The following LRRC4B variants were observed in gnomAD, a reference collection of about 807,000 sequenced individuals.
LRRC4B encodes the protein leucine-rich repeat-containing protein 4B.
In LRRC4B, 1 loss-of-function variant was observed where a neutral mutation model predicts 7.3. The ratio of observed to expected loss-of-function variants is 0.14; its 90% CI spans 0.05 to 0.65. LRRC4B has a LOEUF of 0.65. LRRC4B is among the 30% of genes least tolerant of loss of function. The pLI is 0.84. For synonymous variants in LRRC4B, 500 were observed against 499.2 expected, an observed-to-expected ratio of 1.00 and a Z score of -0.02; for missense variants, 730 against 1,041.6, an observed-to-expected ratio of 0.70 and a Z score of 4.12.
chr19:50,519,026 C>T lies in LRRC4B; in HGVS notation c.687G>A (p.Val229=). 6.2e-7 allele frequency: 1 copy of T among 1,611,528 alleles called. No homozygotes were observed. Among genetic ancestry groups the T allele is most frequent in the South Asian group, 1.1e-5 (1 of 91,054 alleles). The change falls in exon 3 of 3, where the codon GTG becomes GTA. Residue 229 remains valine, a synonymous_variant. Coordinates refer to ENST00000652263, the MANE Select transcript of LRRC4B (RefSeq NM_001080457.2). This position sits in a 1 kb window ranked among gnomAD's most constrained non-coding sequence, Gnocchi z 8.1. ...CCGACAGCTCCAGCTCCTCCAGGCG[C>T]ACCAGGGCCGTCAGGTTGGGGATGT... The part of the protein sequence containing the change: ...LKDIPNLTAL[V]RLEELELSGN...
chr19:50,565,490 G>T (rs1436799622), intron 1 of LRRC4B, among the ~76,000 whole-genome samples: 2 of 151,704 alleles, frequency 1.3e-5, no homozygotes, highest in African/African-American at 4.9e-5. Context: ...GTTCCATATC[G>T]GGGTCTCTGG....
At chr19:50,552,683 T>TTCATCCATCCGC (rs1555809091) in intron 1 of LRRC4B, among the ~76,000 whole-genome samples, 1 of 121,354 alleles carries the variant, frequency 8.2e-6, no homozygotes, top group African/African-American at 3.6e-5. Context: ...CATCCATCCA[T>TTCATCCATCCGC]CCATCCGTCC....
chr19:50,559,357 C>T lies in LRRC4B; in HGVS notation c.-36+8587G>A, dbSNP rs190511711. ...GCTGAGAAAGGGGAATTACTTGAAC[C>T]GAGGAGGCAGAGGTTGCAGTGAGCT... On this transcript the variant is annotated intron_variant, in intron 1 of 2. Transcript: ENST00000652263. 2.8e-4 allele frequency among the ~76,000 whole-genome samples: 42 copies of T among 152,184 alleles called. No homozygotes were observed. In the South Asian group the frequency reaches 5.8e-3, roughly 21 times the overall value.
intron 1 of LRRC4B, among the ~76,000 whole-genome samples, chr19:50,564,921 G>C (rs536803256): frequency 1.3e-5 from 2 of 151,740 alleles, no homozygotes; most frequent in Non-Finnish European, 2.9e-5. Flanking sequence ...CCTGAAGATC[G>C]GCCTCTCTGC....
intron 1 of LRRC4B, among the ~76,000 whole-genome samples, chr19:50,557,194 G>T (rs558266643): frequency 2.0e-5 from 3 of 152,194 alleles, no homozygotes; most frequent in Non-Finnish European, 4.4e-5. Flanking sequence ...CGGTGTAGGA[G>T]GTGAGGGAGA....
chr19:50,536,380 G>A (rs1205407519), intron 2 of LRRC4B, among the ~76,000 whole-genome samples: 5 of 152,118 alleles, frequency 3.3e-5, no homozygotes, highest in Non-Finnish European at 5.9e-5. Flanking sequence ...GTGAGCACCC[G>A]CCTCAGCCTC....
Position 50,563,733 on chromosome 19 carries a change from C to T in LRRC4B, c.-36+4211G>A, listed in dbSNP as rs1414080431. On this transcript the variant is annotated intron_variant, in intron 1 of 2. Coordinates refer to ENST00000652263, the MANE Select transcript of LRRC4B (RefSeq NM_001080457.2). This position sits in a 1 kb window ranked among gnomAD's most constrained non-coding sequence, Gnocchi z 4.9. ...CCATCAGCCAGCTGAGAAGGACAGG[C>T]TGCAACATGGTGCCTTCACGCAACG... Among the ~76,000 whole-genome samples the T allele has an allele frequency of 1.3e-5, 2 of 152,222 alleles. No homozygotes were observed. The highest frequency in any genetic ancestry group is 4.8e-5 in the African/African-American group (2 of 41,444).
intron 2 of LRRC4B, among the ~76,000 whole-genome samples, chr19:50,545,865 A>G (rs1021968581): frequency 4.0e-5 from 6 of 151,638 alleles, no homozygotes; most frequent in Admixed American, 3.9e-4. Context: ...CTGGGACCAC[A>G]GGCTCATGCC....
chr19:50,560,379 C>G (rs941015376), intron 1 of LRRC4B, among the ~76,000 whole-genome samples: 1 of 152,096 alleles, frequency 6.6e-6, no homozygotes, highest in Non-Finnish European at 1.5e-5. Flanking sequence ...TGGGTTTGAA[C>G]CTCAGCTGCC....
At chr19:50,549,175 T>G (rs62116096) in intron 1 of LRRC4B, among the ~76,000 whole-genome samples, 52,446 of 152,108 alleles carry the variant, frequency 0.34, 9,515 homozygotes, top group African/African-American at 0.42. Context: ...AGGTCACTCA[T>G]CCAGTAAGTG....
At chr19:50,567,378 C>A (rs1982664330) in intron 1 of LRRC4B, among the ~76,000 whole-genome samples, 1 of 151,872 alleles carries the variant, frequency 6.6e-6, no homozygotes, top group South Asian at 2.1e-4. Context: ...CCAATCACCC[C>A]CTCCGTCTTT....
At position 50,555,562 on chromosome 19, in the gene LRRC4B, G is replaced by A. The variant is rs1042785780; in HGVS notation, c.-35-6689C>T. On this transcript the variant is annotated intron_variant, in intron 1 of 2. Coordinates refer to ENST00000652263, the MANE Select transcript of LRRC4B (RefSeq NM_001080457.2). The surrounding 1 kb of genome is among the most constrained non-coding windows in gnomAD (Gnocchi z 5.2). The stretch of plus-strand genomic sequence containing the variant: ...GAGATGGAGCTGAGATCCAGGCGAA[G>A]GCAGAGGCTGGGAGGGCCCGGGCAC... The A allele has an allele frequency of 1.3e-5, 2 of 152,822 alleles. No individual in the cohort carries two copies. Among genetic ancestry groups the A allele is most frequent in the Admixed American group, 1.3e-4 (2 of 15,294 alleles). The allele number at this position is 152,822 out of a possible 1,614,324, so 9.5% of individuals were successfully genotyped here.
At chr19:50,566,490 G>C (rs1311580188) in intron 1 of LRRC4B, among the ~76,000 whole-genome samples, 1 of 151,336 alleles carries the variant, frequency 6.6e-6, no homozygotes, top group Non-Finnish European at 1.5e-5. Context: ...GCGGGGAGGG[G>C]GCAGGGAGGA....
intron 1 of LRRC4B, among the ~76,000 whole-genome samples, chr19:50,565,454 G>T (rs1317797534): frequency 6.6e-6 from 1 of 152,142 alleles, no homozygotes; most frequent in Non-Finnish European, 1.5e-5. Context: ...GAGTGTGGGG[G>T]CTGCGTCTGC....
At chr19:50,523,229 C>T (rs1293108753) in intron 2 of LRRC4B, among the ~76,000 whole-genome samples, 1 of 152,188 alleles carries the variant, frequency 6.6e-6, no homozygotes, top group Non-Finnish European at 1.5e-5. Flanking sequence ...ATCTGCAAAG[C>T]CCAGATAGTG....
chr19:50,564,549 G>T (rs533344811), intron 1 of LRRC4B, among the ~76,000 whole-genome samples: 1 of 152,136 alleles, frequency 6.6e-6, no homozygotes, highest in East Asian at 1.9e-4. Context: ...ACTGATGAAT[G>T]AGTCCACAGA....
At chr19:50,534,452 T>A (rs1033023403) in intron 2 of LRRC4B, among the ~76,000 whole-genome samples, 1 of 151,772 alleles carries the variant, frequency 6.6e-6, no homozygotes. Flanking sequence ...GATGTTGACA[T>A]TTTGTCCTAC....
At chr19:50,532,677 T>C (rs533034950) in intron 2 of LRRC4B, among the ~76,000 whole-genome samples, 1 of 152,314 alleles carries the variant, frequency 6.6e-6, no homozygotes, top group Admixed American at 6.5e-5. Flanking sequence ...TCGCAGTGAC[T>C]ATAATTTGGT....
intron 2 of LRRC4B, among the ~76,000 whole-genome samples, chr19:50,520,197 C>A (rs1276787776): frequency 5.8e-5 from 3 of 52,012 alleles, no homozygotes; most frequent in South Asian, 6.2e-4. Flanking sequence ...TGAAGTAATA[C>A]CCTGTCAAAA....
Sources: gnomAD v4.1 joint callset for allele counts (sites outside exome capture counted in the v4.1 genomes callset) on GRCh38, gnomAD v4.1.1 for gene constraint, Gnocchi (gnomAD v3.1) non-coding constraint, MANE v1.5 for transcripts, NCBI Gene and HGNC (gene_info 2026-07-23, HGNC 2026-07-21) for gene names.